Variants in DUS1L observed in about 807,000 individuals in gnomAD.
DUS1L encodes tRNA-dihydrouridine(16/17) synthase [NAD(P)(+)]-like.
A neutral mutation model predicts 61.2 loss-of-function variants in DUS1L; 56 were observed. The observed-to-expected ratio is 0.92, with a 90% CI of 0.74 to 1.14. The LOEUF is 1.14. Among genes scored for constraint, DUS1L ranks in the 50% most tolerant of loss-of-function variants. The pLI, the probability that DUS1L is intolerant of heterozygous loss-of-function variation, is 0.00. For missense variants in DUS1L, 630 were observed against 632.4 expected (o/e 1.00, Z 0.04); for synonymous variants, 278 against 259.5 (o/e 1.07, Z -0.69).
At chr17:82,059,472 C>T (rs1352791044) in intron 11 of DUS1L, 2 of 167,402 alleles carry the variant, frequency 1.2e-5, no homozygotes, top group African/African-American at 4.8e-5. Flanking sequence ...CGGCGGCGAC[C>T]AGGGGTCTCA....
At position 82,058,345 on chromosome 17, in the gene DUS1L, G is replaced by A. The variant is rs752597705; in HGVS notation, c.1278C>T (p.Cys426=). The change falls in exon 13 of 14, where the codon TGC becomes TGT. Residue 426 remains cysteine (C), a synonymous_variant. Transcript: ENST00000306796. ...KKRASKETAD[C]PGHGLLFKTK... ...GCGGGTGGTAGGCGCCCTCACCTGGGCAGTCTGCAGTCTCTTTGGAGGCTC... is the reference window on the plus strand; with the variant it reads ...GCGGGTGGTAGGCGCCCTCACCTGGACAGTCTGCAGTCTCTTTGGAGGCTC... 2 of 1,501,776 alleles carry A rather than the reference G, an allele frequency of 1.3e-6. No individual in the cohort carries two copies. The highest frequency in any genetic ancestry group is 2.8e-5 in the African/African-American group (2 of 71,240). The allele number at this position is 1,501,776 out of a possible 1,614,324, so 93.0% of individuals were successfully genotyped here. A position where few individuals can be genotyped will look rare whatever the true frequency, so the allele number is the denominator to read the frequency against.
chr17:82,058,116 C>T lies in DUS1L; in HGVS notation c.1421G>A (p.Ter474=), dbSNP rs1211647957. 1.3e-6 allele frequency: 2 copies of T among 1,544,474 alleles called. No individual in the cohort carries two copies. The highest frequency in any genetic ancestry group is 1.8e-6 in the Non-Finnish European group (2 of 1,140,826). The change falls in exon 14 of 14, where the codon TGA becomes TAA. Residue 474 remains the stop codon, a stop_retained_variant. Transcript: ENST00000306796. ...FSEVMGSALA[*] ...CCTGGGGGTGGGGGTTGTGGGCCTTCAGGCCAGGGCACTGCCCATGACTTC... is the reference window on the plus strand; with the variant it reads ...CCTGGGGGTGGGGGTTGTGGGCCTTTAGGCCAGGGCACTGCCCATGACTTC...
chr17:82,064,017 T>A, intron 3 of DUS1L, 109 bp downstream of exon 3: 1 of 943,468 alleles, frequency 1.1e-6, no homozygotes, highest in East Asian at 2.6e-5. Context: ...TGAGCCACTG[T>A]CACGACAGAG....
Position 82,064,165 on chromosome 17 carries a change from C to G in DUS1L, c.307G>C (p.Asp103His), listed in dbSNP as rs1022632510. The part of the protein sequence containing the change: ...LLAQDYCDAI[D>H]LNLGCPQMIA... The stretch of plus-strand genomic sequence containing the variant: ...ATCTGTGGGCAGCCCAAGTTCAGGT[C>G]AATGGCGTCACAGTAATCCTGAGCC... Residue 103 changes from aspartate (D) to histidine (H), a missense_variant, in exon 3 of 14, where the codon GAC (aspartate) becomes CAC (histidine). Transcript: ENST00000306796. 3.7e-6 allele frequency: 6 copies of G among 1,612,778 alleles called. No individual in the cohort carries two copies. Among genetic ancestry groups the G allele is most frequent in the Non-Finnish European group, 5.1e-6 (6 of 1,179,890 alleles).
rs1276387694 is a variant in DUS1L, at chr17:82,057,512, C to T, written c.*603G>A. The T allele has an allele frequency of 5.6e-6, 2 of 359,644 alleles. No homozygotes were observed. The highest frequency in any genetic ancestry group is 2.1e-5 in the African/African-American group (1 of 47,208). 22.3% of individuals were successfully genotyped at this position (359,644 alleles called of 1,614,324 possible). A position where few individuals can be genotyped will look rare whatever the true frequency, so the allele number is the denominator to read the frequency against. ...TCCTGCCGTGCAGGCTCTGGTCACC[C>T]CTGGGTGGCCTTGGGTTCCTGAGGG... is the stretch of plus-strand genomic sequence containing the variant. On this transcript the variant is annotated 3_prime_UTR_variant, in exon 14 of 14. Coordinates refer to ENST00000306796, the MANE Select transcript of DUS1L (RefSeq NM_022156.5).
Position 82,057,982 on chromosome 17 carries a change from G to T in DUS1L, c.*133C>A. On this transcript the variant is annotated 3_prime_UTR_variant, in exon 14 of 14. Coordinates refer to ENST00000306796, the MANE Select transcript of DUS1L (RefSeq NM_022156.5). ...CCACTGCAGCATTTCCAGGCCCCCA[G>T]AGTGGGCCGAAGGGGGACATGGGCG... is the stretch of plus-strand genomic sequence containing the variant. 1 of 1,197,648 alleles carries T rather than the reference G, an allele frequency of 8.3e-7. No homozygotes were observed. 74.2% of individuals were successfully genotyped at this position (1,197,648 alleles called of 1,614,324 possible). A position where few individuals can be genotyped will look rare whatever the true frequency, so the allele number is the denominator to read the frequency against.
intron 10 of DUS1L, 48 bp downstream of exon 10, chr17:82,060,653 G>C (rs1461179041): frequency 1.3e-6 from 2 of 1,592,266 alleles, no homozygotes; most frequent in Non-Finnish European, 1.7e-6. Flanking sequence ...ACAGGGTGGA[G>C]CCCACACCTT....
chr17:82,064,392 G>A (rs766370838), intron 2 of DUS1L, 158 bp from the exon 3 acceptor site: 25 of 625,200 alleles, frequency 4.0e-5, no homozygotes, highest in Admixed American at 5.9e-5. Flanking sequence ...TGACAAAGCC[G>A]GGAGGAGTCC....
chr17:82,061,937 G>A lies in DUS1L; in HGVS notation c.557C>T (p.Ser186Leu), dbSNP rs780853019. The change falls in exon 6 of 14, where the codon TCG becomes TTG. Residue 186 changes from serine to leucine, a missense_variant. Ser to Leu is a moderately radical substitution (Grantham distance 145, BLOSUM62 -2). Transcript: ENST00000306796. Reference sequence around the variant, plus strand: ...GATATGCTCCCAGGACGCTGCACCCGACAGGGGCCCCTTCTGCTCCTTGGT... The same window carrying A: ...GATATGCTCCCAGGACGCTGCACCCAACAGGGGCCCCTTCTGCTCCTTGGT... ...GRTKEQKGPL[S>L]GAASWEHIKA... The A allele has an allele frequency of 2.9e-5, 46 of 1,610,818 alleles. No homozygotes were observed. In the East Asian group the frequency reaches 4.0e-4, roughly 14 times the overall value.
At chr17:82,061,417 C>A in intron 7 of DUS1L, 64 bp from the exon 8 acceptor site, 1 of 1,534,316 alleles carries the variant, frequency 6.5e-7, no homozygotes, top group East Asian at 2.3e-5. Flanking sequence ...CACAGGAAAG[C>A]CTGGGACACT....
At chr17:82,059,023 G>A (rs970116525) in intron 11 of DUS1L, 2 of 591,794 alleles carry the variant, frequency 3.4e-6, no homozygotes, top group East Asian at 2.8e-5. Flanking sequence ...GATGCAGGGG[G>A]CACCATCCTG....
chr17:82,059,649 C>A, intron 11 of DUS1L: 1 of 410,730 alleles, frequency 2.4e-6, no homozygotes, highest in Non-Finnish European at 4.4e-6. Context: ...TGGGCAGGGG[C>A]AGCCGCAGGG....
chr17:82,060,932 T>A lies in DUS1L; in HGVS notation c.872A>T (p.Glu291Val). ...CTCCAGGGTCTTCACCTTGGCCAGC[T>A]CCTCTCGCAGCTCCTGGTGCACCTG... is the stretch of plus-strand genomic sequence containing the variant. Reference protein sequence around the residue: ...TLQVHQELREELAKVKTLEGI... With the variant: ...TLQVHQELREVLAKVKTLEGI... Residue 291 changes from glutamate (E) to valine (V), a missense_variant, in exon 9 of 14, where the codon GAG becomes GTG. Coordinates refer to ENST00000306796, the MANE Select transcript of DUS1L (RefSeq NM_022156.5). The A allele has an allele frequency of 1.2e-6, 2 of 1,610,626 alleles. No homozygotes were observed. Among genetic ancestry groups the A allele is most frequent in the Non-Finnish European group, 1.7e-6 (2 of 1,179,890 alleles).
Position 82,064,235 on chromosome 17 carries a change from C to A in DUS1L, c.238-1G>T. 5 of 1,610,686 alleles carry A rather than the reference C, an allele frequency of 3.1e-6. No homozygotes were observed. The highest frequency in any genetic ancestry group is 4.2e-6 in the Non-Finnish European group (5 of 1,179,500). ...ACACCTCCGGGTCATTGGCACAGAA[C>A]TGGAGAAGATGCAGGAGTCAGCCAC... On this transcript the variant is annotated splice_acceptor_variant, in intron 2 of 13. Transcript: ENST00000306796. LOFTEE classifies it high-confidence loss of function.
At chr17:82,064,024 A>C (rs1298098733) in intron 3 of DUS1L, 102 bp downstream of exon 3, 1 of 1,005,804 alleles carries the variant, frequency 9.9e-7, no homozygotes, top group Non-Finnish European at 1.5e-6. Flanking sequence ...CTGTCACGAC[A>C]GAGGCAGGGC....
In DUS1L at chr17:82,065,045, C is replaced by T. The variant is rs768630984; in HGVS notation, c.15G>A (p.Gln5=). 2 of 1,599,552 alleles carry T rather than the reference C, an allele frequency of 1.3e-6. No homozygotes were observed. The highest frequency in any genetic ancestry group is 2.7e-5 in the African/African-American group (2 of 74,560). The change falls in exon 2 of 14, where the codon CAG becomes CAA. Residue 5 remains glutamine, a synonymous_variant. Transcript: ENST00000306796. MPKL[Q]GFEFWSRTLR... ...GGGTGCGGCTCCAGAACTCGAAGCC[C>T]TGCAGCTTTGGCATCGTCTCCAGGC...
At chr17:82,060,470 G>T (rs747816136) in intron 10 of DUS1L, 4 of 596,578 alleles carry the variant, frequency 6.7e-6, no homozygotes, top group Non-Finnish European at 1.2e-5. Flanking sequence ...AAATCCGAGC[G>T]TCCACTGAGG....
rs529008524 is a variant in DUS1L, at chr17:82,061,252, G to T, written c.799C>A (p.Leu267Met). ...AAGAGGTGGGCCCGGACGTAGGACAGGGGGCAGGGGTGCTCCCGCACGATG... is the reference window on the plus strand; with the variant it reads ...AAGAGGTGGGCCCGGACGTAGGACATGGGGCAGGGGTGCTCCCGCACGATG... Reference protein sequence around the residue: ...LDIVREHPCPLSYVRAHLFKL... With the variant: ...LDIVREHPCPMSYVRAHLFKL... The change falls in exon 8 of 14, where the codon CTG becomes ATG. Residue 267 changes from leucine to methionine, a missense_variant. Leu to Met is a conservative substitution (Grantham distance 15). Transcript: ENST00000306796. 1.9e-6 allele frequency: 3 copies of T among 1,608,886 alleles called. No individual in the cohort carries two copies. Among genetic ancestry groups the T allele is most frequent in the Admixed American group, 1.7e-5 (1 of 59,622 alleles).
chr17:82,063,252 C>T (rs750316547), intron 4 of DUS1L: 4 of 668,526 alleles, frequency 6.0e-6, no homozygotes, highest in Admixed American at 2.7e-5. Flanking sequence ...GCCCTGGCAC[C>T]TACTGTCTGG....
Sources: allele counts gnomAD v4.1 joint callset, GRCh38; gene constraint gnomAD v4.1.1; transcripts MANE v1.5; gene names NCBI Gene and HGNC (gene_info 2026-07-23, HGNC 2026-07-21).